The following NOSTRIN variants were observed in gnomAD, a reference collection of about 807,000 sequenced individuals.
NOSTRIN encodes BM247 homolog.
Under a neutral mutation model 59.0 loss-of-function variants are expected in NOSTRIN, and 63 were observed. The observed-to-expected ratio is 1.07, with a 90% CI of 0.87 to 1.32. The LOEUF (loss-of-function observed/expected upper bound fraction) is 1.32. NOSTRIN is among the 40% of genes most tolerant of loss of function. The pLI is 0.00. For synonymous variants in NOSTRIN, 200 were observed against 165.4 expected (o/e 1.21, Z -1.61); for missense variants, 512 against 473.1 (o/e 1.08, Z -0.76).
Position 168,864,935 on chromosome 2 carries a change from C to T in NOSTRIN, c.1486C>T (p.Pro496Ser), listed in dbSNP as rs776698855. 2 of 1,614,100 alleles carry T rather than the reference C, an allele frequency of 1.2e-6. No homozygotes were observed. Among genetic ancestry groups the T allele is most frequent in the East Asian group, 4.5e-5 (2 of 44,872 alleles). Reference protein sequence around the residue: ...HFPAAYVEELPSNAGNTATKA With the variant: ...HFPAAYVEELSSNAGNTATKA The stretch of plus-strand genomic sequence containing the variant: ...TCCTGCCGCTTATGTGGAGGAGTTA[C>T]CTTCAAATGCTGGCAACACAGCTAC... The change falls in exon 16 of 16, where the codon CCT becomes TCT. Residue 496 changes from proline (P) to serine (S), a missense_variant. Pro to Ser is a moderately conservative substitution (Grantham distance 74). Transcript: ENST00000317647.
intron 1 of NOSTRIN, 116 bp downstream of exon 1, chr2:168,802,789 G>A: frequency 1.3e-6 from 1 of 782,708 alleles, no homozygotes; most frequent in Non-Finnish European, 2.2e-6. Flanking sequence ...AACACATTTA[G>A]ATATTGGCTG....
intron 7 of NOSTRIN, among the ~76,000 whole-genome samples, chr2:168,836,773 C>G (rs1687745604): frequency 6.6e-6 from 1 of 152,202 alleles, no homozygotes; most frequent in Non-Finnish European, 1.5e-5. Flanking sequence ...AGTTCTGCAT[C>G]CTGTGCTCTA....
At chr2:168,789,996 A>G (rs993644338) in intron 2 of NOSTRIN, among the ~76,000 whole-genome samples, 2 of 152,218 alleles carry the variant, frequency 1.3e-5, no homozygotes, top group Non-Finnish European at 2.9e-5. Flanking sequence ...GTCAGGCCAC[A>G]GTGAGAAGGA....
chr2:168,834,505 G>GCACACACACACACACA (rs1271378211), intron 7 of NOSTRIN, among the ~76,000 whole-genome samples, 180 bp downstream of exon 7: 5 of 103,134 alleles, frequency 4.8e-5, no homozygotes, highest in South Asian at 3.6e-4. Context: ...GCGCGCGCGC[G>GCACACACACACACACA]CGCACACACA....
chr2:168,834,490 T>TAC (rs1687560656), intron 7 of NOSTRIN, among the ~76,000 whole-genome samples, 165 bp downstream of exon 7: 1 of 87,558 alleles, frequency 1.1e-5, no homozygotes, highest in Non-Finnish European at 2.2e-5. Flanking sequence ...ATTACTGGCG[T>TAC]GCGCGCGCGC....
chr2:168,791,561 T>C (rs777279144), intron 2 of NOSTRIN, among the ~76,000 whole-genome samples: 54 of 152,300 alleles, frequency 3.5e-4, no homozygotes, highest in Non-Finnish European at 7.4e-4. Context: ...CCTGAGGAAT[T>C]GCCACACTGT....
rs41268681 is a variant in NOSTRIN at position 168,802,672 on chromosome 2, C to T, written c.26C>T (p.Pro9Leu). The change falls in exon 1 of 16, where the codon CCG becomes CTG. Residue 9 changes from proline to leucine, a missense_variant and splice_region_variant. By Grantham distance (98) the Pro-to-Leu change is moderately conservative. Coordinates refer to ENST00000317647, the MANE Select transcript of NOSTRIN (RefSeq NM_001039724.4). MRDPLTDC[P>L]YNKVYKNLKE... ...ATGAGGGACCCACTGACAGATTGTC[C>T]GGTGAGTAGCTCAGTGTGGTTTGTG... The T allele has an allele frequency of 4.7e-5, 41 of 869,288 alleles. No individual in the cohort carries two copies. The highest frequency in any genetic ancestry group is 1.2e-4 in the East Asian group (5 of 41,662). The allele number at this position is 869,288 out of a possible 1,614,324, so 53.8% of individuals were successfully genotyped here.
rs757677595 is a variant in NOSTRIN, at chr2:168,856,755, G to T, written c.1030G>T (p.Asp344Tyr). 1.2e-6 allele frequency: 2 copies of T among 1,614,168 alleles called. No homozygotes were observed. The highest frequency in any genetic ancestry group is 1.7e-6 in the Non-Finnish European group (2 of 1,179,994). ...SSFSDAKSQK[D>Y]TAALMDENNL... ...CTTCTCTGATGCAAAGAGCCAGAAA[G>T]ACACAGCAGCGTTAATGGATGAGGT... Residue 344 changes from aspartate to tyrosine, a missense_variant, in exon 12 of 16, where the codon GAC becomes TAC. Coordinates refer to ENST00000317647, the MANE Select transcript of NOSTRIN (RefSeq NM_001039724.4).
At chr2:168,794,482 G>T (rs1685432337), upstream of NOSTRIN, among the ~76,000 whole-genome samples, 1 of 151,920 alleles carries the variant, frequency 6.6e-6, no homozygotes, top group South Asian at 2.1e-4. Flanking sequence ...CTCCTGAGTA[G>T]CTGGGACTAC....
intron 1 of NOSTRIN, among the ~76,000 whole-genome samples, chr2:168,808,783 T>C (rs1362969831): frequency 1.3e-5 from 2 of 152,192 alleles, no homozygotes; most frequent in South Asian, 2.1e-4. Context: ...TTTTCCCAAA[T>C]TGATACATGT....
At chr2:168,797,079 C>CTTTTCTTTTTTTTTTTT (rs1553519713), upstream of NOSTRIN, among the ~76,000 whole-genome samples, 8 of 75,054 alleles carry the variant, frequency 1.1e-4, no homozygotes, top group Admixed American at 1.9e-4. Context: ...TTTCTTTTTT[C>CTTTTCTTTTTTTTTTTT]TTTTTTTTTT....
At chr2:168,864,765 C>G (rs1252855322) in intron 15 of NOSTRIN, 69 bp from the exon 16 acceptor site, 46 of 1,570,232 alleles carry the variant, frequency 2.9e-5, no homozygotes, top group Non-Finnish European at 1.3e-5. Flanking sequence ...CTCCTTAAAA[C>G]TCTTATCAAT....
chr2:168,810,750 A>T (rs1260592818), intron 1 of NOSTRIN, among the ~76,000 whole-genome samples: 1 of 152,196 alleles, frequency 6.6e-6, no homozygotes, highest in Non-Finnish European at 1.5e-5. Context: ...ACCATGAGAG[A>T]GTGTGTCTGG....
At chr2:168,803,390 C>A (rs922176204) in intron 1 of NOSTRIN, among the ~76,000 whole-genome samples, 1 of 151,964 alleles carries the variant, frequency 6.6e-6, no homozygotes, top group Non-Finnish European at 1.5e-5. Context: ...GTGTTTTATC[C>A]CAACACATGG....
At chr2:168,830,001 T>C (rs976998917) in intron 5 of NOSTRIN, among the ~76,000 whole-genome samples, 3 of 152,202 alleles carry the variant, frequency 2.0e-5, no homozygotes, top group South Asian at 2.1e-4. Context: ...TTGATGTTTG[T>C]ATGTACATAG....
At chr2:168,861,902 A>G (rs969856336) in intron 14 of NOSTRIN, 58 bp from the exon 15 acceptor site, 4 of 1,470,522 alleles carry the variant, frequency 2.7e-6, no homozygotes, top group Non-Finnish European at 2.8e-6. Flanking sequence ...AAAGAGCTTC[A>G]GCTCATATTC....
intron 1 of NOSTRIN, among the ~76,000 whole-genome samples, chr2:168,808,086 A>G (rs1490290293): frequency 6.6e-6 from 1 of 152,212 alleles, no homozygotes; most frequent in Non-Finnish European, 1.5e-5. Flanking sequence ...GACAGTATTT[A>G]AAAATGTGTC....
At chr2:168,863,747 G>T in intron 15 of NOSTRIN, 1 of 751,006 alleles carries the variant, frequency 1.3e-6, no homozygotes, top group Non-Finnish European at 1.6e-6. Context: ...AAAGACTGTT[G>T]GTGAGACATA....
chr2:168,853,056 T>A (rs1178857004), intron 10 of NOSTRIN, among the ~76,000 whole-genome samples: 1 of 152,110 alleles, frequency 6.6e-6, no homozygotes, highest in African/African-American at 2.4e-5. Context: ...TTGACTAGGG[T>A]TCTACCAAAG....
Sources: gnomAD v4.1 joint callset for allele counts (sites outside exome capture counted in the v4.1 genomes callset) on GRCh38, gnomAD v4.1.1 for gene constraint, MANE v1.5 for transcripts, NCBI Gene and HGNC (gene_info 2026-07-23, HGNC 2026-07-21) for gene names.